The following F11 variants were observed in gnomAD, a reference collection of about 807,000 sequenced individuals.
F11 encodes the protein coagulation factor XI.
Under a neutral mutation model 76.5 loss-of-function variants are expected in F11, and 78 were observed. That is an observed-to-expected ratio of 1.02 (90% CI 0.85 to 1.23). The LOEUF is 1.23. Among genes scored for constraint, F11 ranks in the 50% most tolerant of loss-of-function variants. The probability of loss-of-function intolerance (pLI) is 0.00; values close to 1 mark genes in which losing one functional copy is unlikely to be tolerated. For missense variants in F11, 742 were observed against 771.4 expected, an observed-to-expected ratio of 0.96 and a Z score of 0.45; for synonymous variants, 278 against 276.3, an observed-to-expected ratio of 1.01 and a Z score of -0.06.
At chr4:186,285,884 T>TA (rs1405529269) in intron 12 of F11, 71 bp downstream of exon 12, 46 of 1,520,984 alleles carry the variant, frequency 3.0e-5, no homozygotes, top group South Asian at 1.3e-4. Flanking sequence ...CTACTAGACT[T>TA]ACGGCCTGAC....
At position 186,275,564 on chromosome 4, in the gene F11, G is replaced by A. The variant is rs1396672970; in HGVS notation, c.486-223G>A. On this transcript the variant is annotated intron_variant, in intron 5 of 14. Coordinates refer to ENST00000403665, the MANE Select transcript of F11 (RefSeq NM_000128.4). Reference sequence around the variant, plus strand: ...ATTCATGCACTCTCCTTCTTCATGTGGTCACTCTCTCAAGCTGTCATTATA... The same window carrying A: ...ATTCATGCACTCTCCTTCTTCATGTAGTCACTCTCTCAAGCTGTCATTATA... Among the ~76,000 whole-genome samples, 4 of 152,088 alleles carry A rather than the reference G, an allele frequency of 2.6e-5. No individual in the cohort carries two copies. The South Asian group carries it at 6.2e-4, about 24-fold the overall frequency.
chr4:186,274,264 C>T lies in F11; in HGVS notation c.474C>T (p.Ser158=), dbSNP rs1740205068. The change falls in exon 5 of 15, where the codon AGC becomes AGT. Residue 158 remains serine (S), a synonymous_variant. Transcript: ENST00000403665. ...FFTYATRQFP[S]LEHRNICLLK... is the part of the protein sequence containing the mutation. ...CGTACGCCACAAGGCAGTTTCCCAGCCTGGAGCATCGGTGAGTGAGTCCCA... is the reference window on the plus strand; with the variant it reads ...CGTACGCCACAAGGCAGTTTCCCAGTCTGGAGCATCGGTGAGTGAGTCCCA... 1 of 1,614,084 alleles carries T rather than the reference C, an allele frequency of 6.2e-7. No homozygotes were observed. The highest frequency in any genetic ancestry group is 1.7e-5 in the Admixed American group (1 of 60,010).
chr4:186,276,573 C>CCGAG (rs1165541865), intron 7 of F11, among the ~76,000 whole-genome samples, 183 bp downstream of exon 7: 1 of 146,630 alleles, frequency 6.8e-6, no homozygotes, highest in Non-Finnish European at 1.5e-5. Flanking sequence ...CCCAACATTA[C>CCGAG]CGAGGACTCT....
At chr4:186,277,949 A>C (rs2126747412) in intron 7 of F11, among the ~76,000 whole-genome samples, 1 of 152,102 alleles carries the variant, frequency 6.6e-6, no homozygotes, top group African/African-American at 2.4e-5. Context: ...ACAGGTGTGC[A>C]CCACCACCCC....
chr4:186,280,357 C>G lies in F11; in HGVS notation c.1000C>G (p.Pro334Ala). Residue 334 changes from proline (P) to alanine (A), a missense_variant, in exon 9 of 15, where the codon CCA (proline) becomes GCA (alanine). Transcript: ENST00000403665. Reference sequence around the variant, plus strand: ...CCGCTGCCAGTTTTTTACCTATACCCCAGCCCAAGCATCCTGCAACGAAGG... The same window carrying G: ...CCGCTGCCAGTTTTTTACCTATACCGCAGCCCAAGCATCCTGCAACGAAGG... ...AVRCQFFTYT[P>A]AQASCNEGKG... 1.2e-6 allele frequency: 2 copies of G among 1,614,188 alleles called. No homozygotes were observed. The highest frequency in any genetic ancestry group is 1.7e-6 in the Non-Finnish European group (2 of 1,180,032).
intron 14 of F11, 144 bp downstream of exon 14, chr4:186,287,967 C>A: frequency 2.2e-6 from 2 of 900,254 alleles, no homozygotes; most frequent in African/African-American, 1.7e-5. Flanking sequence ...TGCAGTGGCT[C>A]GATCTCAGCT....
At position 186,269,494 on chromosome 4, in the gene F11, C is replaced by G. The variant is rs4253404; in HGVS notation, c.56-2115C>G. 9.4e-3 allele frequency among the ~76,000 whole-genome samples: 1,429 copies of G among 152,302 alleles called. 8 individuals are homozygous for G. The highest frequency in any genetic ancestry group is 0.016 in the Non-Finnish European group (1,097 of 68,028). ...ATTACGCTAAGTGAAATAAGCCAGT[C>G]ACAAAAGAACAAATACTGTGGGATC... On this transcript the variant is annotated intron_variant, in intron 2 of 14. Coordinates refer to ENST00000403665, the MANE Select transcript of F11 (RefSeq NM_000128.4).
rs1278304234 is a variant in F11, at chr4:186,274,112, C to T, written c.326-4C>T. On this transcript the variant is annotated splice_polypyrimidine_tract_variant and splice_region_variant and intron_variant, in intron 4 of 14. Transcript: ENST00000403665. Reference sequence around the variant, plus strand: ...GTACTCATGTCTTCTGCTTTTATTTCCAGCTTGCAACAAAGACATTTATGT... The same window carrying T: ...GTACTCATGTCTTCTGCTTTTATTTTCAGCTTGCAACAAAGACATTTATGT... 6.2e-7 allele frequency: 1 copy of T among 1,614,120 alleles called. No homozygotes were observed. The highest frequency in any genetic ancestry group is 1.1e-5 in the South Asian group (1 of 91,084).
intron 10 of F11, 119 bp from the exon 11 acceptor site, chr4:186,283,973 C>T: frequency 6.6e-7 from 1 of 1,516,680 alleles, no homozygotes; most frequent in Non-Finnish European, 9.1e-7. Context: ...GTCTCTGTAA[C>T]TCAGGGTCAT....
In F11 at chr4:186,285,687, T is replaced by C; in HGVS notation, c.1354T>C (p.Ser452Pro). 1 of 1,614,142 alleles carries C rather than the reference T, an allele frequency of 6.2e-7. No homozygotes were observed. The highest frequency in any genetic ancestry group is 2.2e-5 in the East Asian group (1 of 44,884). The change falls in exon 12 of 15, where the codon TCT becomes CCT. Residue 452 changes from serine to proline, a missense_variant. Transcript: ENST00000403665. ...LRVYSGILNQ[S>P]EIKEDTSFFG... ...TGTCTACAGTGGCATTTTAAATCAA[T>C]CTGAAATAAAAGAGGACACATCTTT... is the stretch of plus-strand genomic sequence containing the variant.
At position 186,281,088 on chromosome 4, in the gene F11, C is replaced by T. The variant is rs141119295; in HGVS notation, c.1135+508C>T. 7.9e-3 allele frequency among the ~76,000 whole-genome samples: 1,209 copies of T among 152,178 alleles called. 10 individuals carry two copies. Among genetic ancestry groups the T allele is most frequent in the South Asian group, 0.019 (91 of 4,814 alleles). On this transcript the variant is annotated intron_variant, in intron 10 of 14. Transcript: ENST00000403665. ...CCCAGGCTGGTCTTGAACTCCTGGG[C>T]TCAAGCAATCCTCCCGCTTTGGCCT...
Position 186,275,829 on chromosome 4 carries a change from C to A in F11, c.528C>A (p.Thr176=), listed in dbSNP as rs773934995. Residue 176 remains threonine (T), a synonymous_variant, in exon 6 of 15, where the codon ACC becomes ACA. Transcript: ENST00000403665. ...LLKHTQTGTP[T]RITKLDKVVS... is the part of the protein sequence containing the mutation. The stretch of plus-strand genomic sequence containing the variant: ...AGCACACCCAAACAGGGACACCAAC[C>A]AGAATAACGAAGCTCGATAAAGTGG... 6.8e-6 allele frequency: 11 copies of A among 1,613,616 alleles called. No homozygotes were observed. Among genetic ancestry groups the A allele is most frequent in the South Asian group, 1.1e-5 (1 of 90,984 alleles).
intron 5 of F11, 93 bp downstream of exon 5, chr4:186,274,368 T>C: frequency 6.7e-7 from 1 of 1,493,188 alleles, no homozygotes; most frequent in Non-Finnish European, 9.3e-7. Context: ...CCAGAATTTA[T>C]TTTGAACCCC....
chr4:186,273,116 A>G lies in F11; in HGVS notation c.264A>G (p.Arg88=). The G allele has an allele frequency of 1.2e-6, 2 of 1,614,070 alleles. No homozygotes were observed. The highest frequency in any genetic ancestry group is 1.7e-6 in the Non-Finnish European group (2 of 1,179,936). Residue 88 remains arginine (R), a synonymous_variant, in exon 4 of 15, where the codon AGA becomes AGG. Coordinates refer to ENST00000403665, the MANE Select transcript of F11 (RefSeq NM_000128.4). ...LKDSVTETLP[R]VNRTAAISGY... is the part of the protein sequence containing the mutation. Reference sequence around the variant, plus strand: ...ACAGTGTTACAGAAACACTGCCAAGAGTGAATAGGACAGCAGCGATTTCTG... The same window carrying G: ...ACAGTGTTACAGAAACACTGCCAAGGGTGAATAGGACAGCAGCGATTTCTG...
chr4:186,275,671 T>C, intron 5 of F11, 116 bp from the exon 6 acceptor site: 2 of 743,882 alleles, frequency 2.7e-6, no homozygotes, highest in South Asian at 1.5e-5. Flanking sequence ...GCCTCCCAGA[T>C]GGATGCTTCG....
intron 1 of F11, among the ~76,000 whole-genome samples, chr4:186,266,859 C>T (rs1216427399): frequency 6.6e-6 from 1 of 151,844 alleles, no homozygotes; most frequent in East Asian, 1.9e-4. Flanking sequence ...ACACAGAGAG[C>T]GGCGGGGCCG....
In F11 at chr4:186,284,623, ATGTG is replaced by A. The variant is rs34783500; in HGVS notation, c.1304+378_1304+381del. Among the ~76,000 whole-genome samples the A allele has an allele frequency of 1.3e-4, 19 of 150,398 alleles. 1 individual carries two copies. The East Asian group carries it at 2.5e-3, about 20-fold the overall frequency. ...CCATTGTCTGAATCAAATTTCTAAT[ATGTG>A]TGTGTGTGTGTGTGCGTGTGTGTTT... On this transcript the variant is annotated intron_variant, in intron 11 of 14. Transcript: ENST00000403665.
At position 186,289,555 on chromosome 4, in the gene F11, T is replaced by A. The variant is rs1260238974; in HGVS notation, c.*941T>A. On this transcript the variant is annotated 3_prime_UTR_variant, in exon 15 of 15. Transcript: ENST00000403665. ...AAGCAGCTGCCTGTATTCTAAGCAC[T>A]GGGATTTTCTGTTTCGTGCAAATAT... Among the ~76,000 whole-genome samples the A allele has an allele frequency of 6.6e-6, 1 of 152,242 alleles. No individual in the cohort carries two copies. The highest frequency in any genetic ancestry group is 2.4e-5 in the African/African-American group (1 of 41,470).
chr4:186,282,140 G>A (rs1462733494), intron 10 of F11: 1 of 1,142,248 alleles, frequency 8.8e-7, no homozygotes, highest in African/African-American at 1.6e-5. Flanking sequence ...AAGTAATGTT[G>A]ACATGGTTTA....
Sources: gnomAD v4.1 joint callset for allele counts (sites outside exome capture counted in the v4.1 genomes callset) on GRCh38, gnomAD v4.1.1 for gene constraint, MANE v1.5 for transcripts, NCBI Gene and HGNC (gene_info 2026-07-23, HGNC 2026-07-21) for gene names.